Variants in LRMDA observed in about 807,000 individuals in gnomAD.
LRMDA encodes leucine-rich melanocyte differentiation-associated protein.
Under a neutral mutation model 29.8 loss-of-function variants are expected in LRMDA, and 18 were observed. The observed-to-expected ratio is 0.60, with a 90% CI of 0.42 to 0.90. LRMDA has a LOEUF of 0.90. LRMDA is among the 40% of genes least tolerant of loss of function. The pLI is 0.00. For missense variants in LRMDA, 273 were observed against 273.9 expected, an observed-to-expected ratio of 1.00 and a Z score of 0.02; for synonymous variants, 125 against 109.4, an observed-to-expected ratio of 1.14 and a Z score of -0.89.
At chr10:76,054,586 A>G (rs1183038336) in intron 4 of LRMDA, among the ~76,000 whole-genome samples, 1 of 151,362 alleles carries the variant, frequency 6.6e-6, no homozygotes, top group Non-Finnish European at 1.5e-5. Flanking sequence ...TCTAATACTG[A>G]TGTTTTCTTC....
intron 6 of LRMDA, among the ~76,000 whole-genome samples, chr10:76,353,400 T>C (rs1841202212): frequency 6.6e-6 from 1 of 151,828 alleles, no homozygotes; most frequent in Non-Finnish European, 1.5e-5. Context: ...TCATTTACAA[T>C]GGTTCTTAAA....
intron 2 of LRMDA, among the ~76,000 whole-genome samples, chr10:75,678,634 CTCT>C (rs1224465970): frequency 1.3e-5 from 2 of 152,146 alleles, no homozygotes; most frequent in East Asian, 1.9e-4. Context: ...ATGCTGTTTC[CTCT>C]TCTTCATTTG....
chr10:75,488,774 C>G (rs1367380911), intron 2 of LRMDA, among the ~76,000 whole-genome samples: 1 of 152,090 alleles, frequency 6.6e-6, no homozygotes, highest in Non-Finnish European at 1.5e-5. Context: ...AGATGAGTGG[C>G]AGCGCTGTGG....
At chr10:75,904,398 C>T (rs61630078) in intron 2 of LRMDA, among the ~76,000 whole-genome samples, 4,042 of 152,034 alleles carry the variant, frequency 0.027, 103 homozygotes, top group Middle Eastern at 0.088. Context: ...CACTGGTGGC[C>T]GTCTATGGTT....
At chr10:75,648,630 A>G (rs1484363160) in intron 2 of LRMDA, among the ~76,000 whole-genome samples, 1 of 152,168 alleles carries the variant, frequency 6.6e-6, no homozygotes, top group Non-Finnish European at 1.5e-5. Context: ...CTCTCTGTGC[A>G]AAACATCTAG....
At position 76,301,596 on chromosome 10, in the gene LRMDA, C is replaced by T. The variant is rs769446113; in HGVS notation, c.517-22805C>T. ...GCCTCTTGCTTTGATTATGAACTGA[C>T]GGATCTCTCTAAGTAGCAACTCAGC... On this transcript the variant is annotated intron_variant, in intron 5 of 6. Transcript: ENST00000611255. 6.6e-5 allele frequency among the ~76,000 whole-genome samples: 10 copies of T among 152,202 alleles called. No homozygotes were observed. The South Asian group carries it at 1.7e-3, about 25-fold the overall frequency.
intron 2 of LRMDA, among the ~76,000 whole-genome samples, chr10:75,765,624 C>T (rs12266479): frequency 0.036 from 5,481 of 151,900 alleles, 248 homozygotes; most frequent in African/African-American, 0.11. Context: ...GCATTCTGTG[C>T]AGAAGGGCAT....
intron 5 of LRMDA, among the ~76,000 whole-genome samples, chr10:76,061,514 C>G (rs1010421272): frequency 3.3e-5 from 5 of 152,112 alleles, no homozygotes; most frequent in Non-Finnish European, 1.5e-5. Context: ...ACCCCCAAAC[C>G]TAAAACAAAA....
chr10:75,859,378 G>T (rs972689658), intron 2 of LRMDA, among the ~76,000 whole-genome samples: 7 of 152,038 alleles, frequency 4.6e-5, no homozygotes, highest in South Asian at 4.1e-4. Flanking sequence ...CCCACATTTG[G>T]TATTAGCATG....
chr10:76,135,288 T>G (rs1410370611), intron 5 of LRMDA, among the ~76,000 whole-genome samples: 2 of 152,186 alleles, frequency 1.3e-5, no homozygotes, highest in Non-Finnish European at 2.9e-5. Flanking sequence ...GCAGGCTTGA[T>G]GAACTGCAAA....
intron 5 of LRMDA, among the ~76,000 whole-genome samples, chr10:76,119,462 G>T (rs1009129276): frequency 1.3e-5 from 2 of 152,104 alleles, no homozygotes; most frequent in East Asian, 3.9e-4. Flanking sequence ...TATTATTACT[G>T]GTCCATATAG....
chr10:75,838,210 T>C (rs1024997404), intron 2 of LRMDA, among the ~76,000 whole-genome samples: 1 of 152,196 alleles, frequency 6.6e-6, no homozygotes, highest in East Asian at 1.9e-4. Context: ...TTATCGAATA[T>C]ATAATATGAT....
intron 2 of LRMDA, among the ~76,000 whole-genome samples, chr10:75,497,525 C>T (rs1050345516): frequency 3.3e-5 from 5 of 151,638 alleles, no homozygotes; most frequent in South Asian, 2.1e-4. Flanking sequence ...GATAAATACA[C>T]GCACCTGTGT....
chr10:75,752,042 T>G (rs1032502680), intron 2 of LRMDA, among the ~76,000 whole-genome samples: 1 of 150,742 alleles, frequency 6.6e-6, no homozygotes, highest in African/African-American at 2.4e-5. Flanking sequence ...TAAATATATA[T>G]ATATATATAA....
intron 2 of LRMDA, among the ~76,000 whole-genome samples, chr10:75,803,238 G>C (rs532527240): frequency 2.6e-5 from 4 of 152,140 alleles, no homozygotes; most frequent in Non-Finnish European, 4.4e-5. Flanking sequence ...TCCAAGGCTT[G>C]GTTTACTTAT....
chr10:75,431,880 G>A (rs1360960550), intron 1 of LRMDA, 126 bp downstream of exon 1: 13 of 982,058 alleles, frequency 1.3e-5, no homozygotes, highest in Admixed American at 4.4e-5. Context: ...TCTGCAGGGG[G>A]TGAGCTTCAG....
intron 2 of LRMDA, among the ~76,000 whole-genome samples, chr10:75,912,256 A>G (rs1845855185): frequency 6.6e-6 from 1 of 152,124 alleles, no homozygotes; most frequent in East Asian, 1.9e-4. Context: ...TCCTTCTTCC[A>G]TCATCTGTTT....
At chr10:76,546,486 A>G (rs569652382) in intron 6 of LRMDA, among the ~76,000 whole-genome samples, 2 of 152,370 alleles carry the variant, frequency 1.3e-5, no homozygotes, top group Admixed American at 6.5e-5. Flanking sequence ...TTAATTAACA[A>G]GGACCCAACA....
intron 5 of LRMDA, among the ~76,000 whole-genome samples, chr10:76,148,998 T>A (rs1425287746): frequency 1.3e-5 from 2 of 152,222 alleles, no homozygotes; most frequent in Non-Finnish European, 2.9e-5. Context: ...GTTGTTCTAG[T>A]TTAACATTCC....
Sources: allele counts gnomAD v4.1 joint callset (sites outside exome capture counted in the v4.1 genomes callset), GRCh38; gene constraint gnomAD v4.1.1; transcripts MANE v1.5; gene names NCBI Gene and HGNC (gene_info 2026-07-23, HGNC 2026-07-21).